ZBTB20: variants seen among roughly 807,000 people sequenced by gnomAD.
The protein encoded by ZBTB20 is zinc finger and BTB domain containing 20, also known as zinc finger and BTB domain-containing protein 20.
A neutral mutation model predicts 56.9 loss-of-function variants in ZBTB20; 9 were observed. That is an observed-to-expected ratio of 0.16 (90% CI 0.10 to 0.28). ZBTB20 has a LOEUF of 0.28. ZBTB20 is among the 10% of genes least tolerant of loss of function. ZBTB20 has a pLI of 1.00. For missense variants in ZBTB20, 655 were observed against 1,003.0 expected, an observed-to-expected ratio of 0.65 and a Z score of 4.69; for synonymous variants, 417 against 420.7, an observed-to-expected ratio of 0.99 and a Z score of 0.11.
intron 7 of ZBTB20, among the ~76,000 whole-genome samples, chr3:114,484,112 G>A (rs1303887935): frequency 6.6e-6 from 1 of 152,104 alleles, no homozygotes. Context: ...GGAGGCCAAA[G>A]TTACCAGAAA....
intron 2 of ZBTB20, among the ~76,000 whole-genome samples, chr3:115,048,167 G>A (rs2108423854): frequency 6.6e-6 from 1 of 152,302 alleles, no homozygotes; most frequent in East Asian, 1.9e-4. Context: ...GGAGCTTGCA[G>A]TGAGCTGAGT....
intron 1 of ZBTB20, among the ~76,000 whole-genome samples, chr3:115,144,048 C>T (rs1225631150): frequency 6.6e-6 from 1 of 152,190 alleles, no homozygotes. Context: ...TTATTACACT[C>T]CAAGTGTCTA....
chr3:114,481,406 T>C (rs1186108424), intron 7 of ZBTB20, among the ~76,000 whole-genome samples: 1 of 152,218 alleles, frequency 6.6e-6, no homozygotes, highest in Admixed American at 6.5e-5. Flanking sequence ...ATCCGTTATG[T>C]TTCTACATAA....
intron 3 of ZBTB20, among the ~76,000 whole-genome samples, chr3:114,926,359 T>G (rs567619494): frequency 2.3e-4 from 35 of 152,372 alleles, no homozygotes; most frequent in African/African-American, 8.4e-4. Flanking sequence ...GTATTGTGTT[T>G]TGTTATGCTT....
chr3:114,489,811 C>T (rs2042533214), intron 7 of ZBTB20, among the ~76,000 whole-genome samples: 1 of 152,186 alleles, frequency 6.6e-6, no homozygotes, highest in Non-Finnish European at 1.5e-5. Context: ...AGTCAAATGA[C>T]CCTAACATCA....
chr3:114,584,890 A>G (rs1184120603), intron 6 of ZBTB20, among the ~76,000 whole-genome samples: 3 of 152,164 alleles, frequency 2.0e-5, no homozygotes, highest in African/African-American at 7.2e-5. Flanking sequence ...AAGCGTCTAG[A>G]AAGAATACAA....
chr3:115,056,653 A>C (rs1576667669), intron 2 of ZBTB20, among the ~76,000 whole-genome samples: 1 of 152,218 alleles, frequency 6.6e-6, no homozygotes, highest in East Asian at 1.9e-4. Flanking sequence ...TATACTAATG[A>C]TTGCGTGAGG....
chr3:114,351,745 G>T lies in ZBTB20; in HGVS notation c.333C>A (p.His111Gln). The change falls in exon 11 of 12, where the codon CAC becomes CAA. Residue 111 changes from histidine to glutamine, a missense_variant. His to Gln is a conservative substitution (Grantham distance 24). Transcript: ENST00000675478. ...AGCGGTGTGCGCGCAGCATGCTCCC[G>T]TGGATGCGCACCGTTACGTCACAGA... ...GHFCDVTVRIHGSMLRAHRCV... is the reference protein window; with the variant it reads ...GHFCDVTVRIQGSMLRAHRCV... The T allele has an allele frequency of 1.2e-6, 2 of 1,614,092 alleles. No homozygotes were observed. The highest frequency in any genetic ancestry group is 1.7e-6 in the Non-Finnish European group (2 of 1,180,026).
intron 5 of ZBTB20, among the ~76,000 whole-genome samples, chr3:114,785,280 T>C (rs2070400869): frequency 1.3e-5 from 2 of 152,204 alleles, no homozygotes; most frequent in Non-Finnish European, 2.9e-5. Flanking sequence ...ATTTAGGTAA[T>C]TATATAATTG....
chr3:114,965,408 G>A (rs1021646385), intron 3 of ZBTB20, among the ~76,000 whole-genome samples: 1 of 152,008 alleles, frequency 6.6e-6, no homozygotes, highest in African/African-American at 2.4e-5. Context: ...TCCTGTCTAA[G>A]TGAAATTTTG....
At chr3:114,587,286 C>T (rs182593366) in intron 6 of ZBTB20, among the ~76,000 whole-genome samples, 5 of 152,166 alleles carry the variant, frequency 3.3e-5, no homozygotes, top group Admixed American at 6.5e-5. Flanking sequence ...TGTGAGCCAC[C>T]GTGCCTGGCC....
intron 7 of ZBTB20, among the ~76,000 whole-genome samples, chr3:114,455,337 A>T (rs542989283): frequency 6.6e-6 from 1 of 152,294 alleles, no homozygotes; most frequent in South Asian, 2.1e-4. Context: ...TCTGATAAGC[A>T]ATACTGCTCG....
At chr3:114,734,619 T>C (rs1215939300) in intron 5 of ZBTB20, among the ~76,000 whole-genome samples, 1 of 152,094 alleles carries the variant, frequency 6.6e-6, no homozygotes, top group Non-Finnish European at 1.5e-5. Flanking sequence ...AGTTTCTAAA[T>C]AAAGATCAAA....
At chr3:114,958,605 T>C (rs2077331053) in intron 3 of ZBTB20, among the ~76,000 whole-genome samples, 2 of 152,128 alleles carry the variant, frequency 1.3e-5, no homozygotes, top group Admixed American at 1.3e-4. Flanking sequence ...CCCAGCACTT[T>C]GGGAGGCCAA....
At chr3:114,796,820 A>C (rs1445500068) in intron 5 of ZBTB20, among the ~76,000 whole-genome samples, 1 of 151,976 alleles carries the variant, frequency 6.6e-6, no homozygotes, top group African/African-American at 2.4e-5. Context: ...TTCTAGTTGA[A>C]GATTTAAATA....
chr3:114,577,887 G>C (rs999285707), intron 6 of ZBTB20, among the ~76,000 whole-genome samples: 1 of 152,184 alleles, frequency 6.6e-6, no homozygotes, highest in Admixed American at 6.5e-5. Flanking sequence ...CCCCTAGTTA[G>C]GGACATGTGA....
At chr3:115,048,895 A>T (rs1182853839) in intron 2 of ZBTB20, among the ~76,000 whole-genome samples, 1 of 152,220 alleles carries the variant, frequency 6.6e-6, no homozygotes. Context: ...ATACCAATCC[A>T]TGCACATATT....
At chr3:114,987,075 A>G (rs1211414226) in intron 2 of ZBTB20, among the ~76,000 whole-genome samples, 1 of 152,164 alleles carries the variant, frequency 6.6e-6, no homozygotes, top group African/African-American at 2.4e-5. Context: ...AAAGTTTACC[A>G]TTAAATTATA....
At chr3:114,927,990 C>G (rs1194381027) in intron 3 of ZBTB20, among the ~76,000 whole-genome samples, 3 of 152,164 alleles carry the variant, frequency 2.0e-5, no homozygotes, top group African/African-American at 7.2e-5. Context: ...GAAAAACACC[C>G]TCAATTAACT....
Sources: allele counts gnomAD v4.1 joint callset (sites outside exome capture counted in the v4.1 genomes callset), GRCh38; gene constraint gnomAD v4.1.1; transcripts MANE v1.5; gene names NCBI Gene and HGNC (gene_info 2026-07-23, HGNC 2026-07-21).